The following CCSER1 variants were observed in gnomAD, a reference collection of about 807,000 sequenced individuals.
CCSER1 encodes coiled-coil serine rich protein 1.
Under a neutral mutation model 82.0 loss-of-function variants are expected in CCSER1, and 41 were observed. The ratio of observed to expected loss-of-function variants is 0.50; its 90% CI spans 0.39 to 0.65. CCSER1 has a LOEUF of 0.65. Among genes scored for constraint, CCSER1 ranks in the 30% least tolerant of loss-of-function variants. The pLI is 0.00. For synonymous variants in CCSER1, 414 were observed against 383.9 expected (o/e 1.08, Z -0.92); for missense variants, 1,119 against 1,064.2 (o/e 1.05, Z -0.72).
intron 9 of CCSER1, among the ~76,000 whole-genome samples, chr4:91,050,322 T>C (rs1210538065): frequency 6.6e-6 from 1 of 151,788 alleles, no homozygotes; most frequent in Non-Finnish European, 1.5e-5. Flanking sequence ...TCCCCGCTAC[T>C]TGGGAGGCTG....
chr4:90,509,847 G>T (rs1578878436), intron 5 of CCSER1, among the ~76,000 whole-genome samples: 1 of 152,196 alleles, frequency 6.6e-6, no homozygotes, highest in East Asian at 1.9e-4. Context: ...GTGCTTTATA[G>T]AACTAAATAT....
rs535489221 is a variant in CCSER1 at position 90,704,653 on chromosome 4, C to T, written c.1933-19261C>T. Among the ~76,000 whole-genome samples the T allele has an allele frequency of 3.9e-5, 6 of 152,288 alleles. No homozygotes were observed. In the East Asian group the frequency reaches 1.2e-3, roughly 29 times the overall value. On this transcript the variant is annotated intron_variant, in intron 6 of 10. Transcript: ENST00000509176. ...GGTCTTTTCACATAGTCCCATATTT[C>T]TTGGAGGCTTTGTTCATTTCTTTTT...
At chr4:91,017,495 G>C (rs750661532) in intron 9 of CCSER1, among the ~76,000 whole-genome samples, 2 of 152,100 alleles carry the variant, frequency 1.3e-5, no homozygotes, top group African/African-American at 4.8e-5. Context: ...GTGGTGCAGA[G>C]TATTTTGTCA....
chr4:90,725,195 T>A (rs1242669588), intron 7 of CCSER1, among the ~76,000 whole-genome samples: 1 of 151,914 alleles, frequency 6.6e-6, no homozygotes, highest in East Asian at 1.9e-4. Context: ...AAGAAGCATA[T>A]CTTTAACAAG....
intron 10 of CCSER1, among the ~76,000 whole-genome samples, chr4:91,162,995 G>C (rs952226787): frequency 2.6e-5 from 4 of 151,894 alleles, no homozygotes; most frequent in Non-Finnish European, 5.9e-5. Flanking sequence ...GTTTGCTCTT[G>C]CCTCTCTACT....
At chr4:90,468,388 A>G (rs1202542856) in intron 5 of CCSER1, 34 bp downstream of exon 5, 2 of 1,575,424 alleles carry the variant, frequency 1.3e-6, no homozygotes, top group Admixed American at 1.8e-5. Context: ...AAGGCCTTGT[A>G]AAATCAATTA....
At chr4:91,070,508 C>A (rs1004363548) in intron 9 of CCSER1, among the ~76,000 whole-genome samples, 35 of 152,160 alleles carry the variant, frequency 2.3e-4, no homozygotes, top group African/African-American at 8.0e-4. Context: ...ACGGACCATG[C>A]TTGTCCATGA....
intron 10 of CCSER1, among the ~76,000 whole-genome samples, chr4:91,460,869 T>C (rs1046381073): frequency 6.6e-6 from 1 of 152,060 alleles, no homozygotes; most frequent in African/African-American, 2.4e-5. Flanking sequence ...GGGAGAAAAA[T>C]TTCTATTCCT....
intron 7 of CCSER1, among the ~76,000 whole-genome samples, chr4:90,745,409 T>G (rs1007221215): frequency 6.6e-6 from 1 of 152,208 alleles, no homozygotes; most frequent in East Asian, 1.9e-4. Context: ...GTCACCTTAA[T>G]TTCATCTGAT....
intron 9 of CCSER1, among the ~76,000 whole-genome samples, chr4:91,000,132 T>C (rs2150473768): frequency 6.6e-6 from 1 of 152,212 alleles, no homozygotes; most frequent in African/African-American, 2.4e-5. Context: ...TCTATTCTGT[T>C]CCATTGGTCT....
chr4:90,290,398 C>A (rs1402925219), intron 1 of CCSER1, among the ~76,000 whole-genome samples: 1 of 151,842 alleles, frequency 6.6e-6, no homozygotes, highest in East Asian at 1.9e-4. Flanking sequence ...ACAAACAAAG[C>A]AAATAGGGTC....
chr4:90,896,825 A>T (rs2150132849), intron 8 of CCSER1, among the ~76,000 whole-genome samples: 1 of 152,098 alleles, frequency 6.6e-6, no homozygotes, highest in Middle Eastern at 3.4e-3. Context: ...CTTACAATTT[A>T]ACTTAAGGAA....
At chr4:90,162,801 C>G (rs1729708533) in intron 1 of CCSER1, among the ~76,000 whole-genome samples, 1 of 152,010 alleles carries the variant, frequency 6.6e-6, no homozygotes, top group Non-Finnish European at 1.5e-5. Context: ...TTGTGGGATT[C>G]TTATCAATTG....
intron 6 of CCSER1, among the ~76,000 whole-genome samples, chr4:90,649,170 T>G (rs1276002863): frequency 6.6e-6 from 1 of 152,208 alleles, no homozygotes; most frequent in East Asian, 1.9e-4. Flanking sequence ...TGGGTTAATA[T>G]GCAGGACATA....
At chr4:91,260,919 C>G (rs1741075804) in intron 10 of CCSER1, among the ~76,000 whole-genome samples, 1 of 152,064 alleles carries the variant, frequency 6.6e-6, no homozygotes, top group Non-Finnish European at 1.5e-5. Flanking sequence ...CGCTACCACG[C>G]CAGGCTAATT....
intron 1 of CCSER1, among the ~76,000 whole-genome samples, chr4:90,246,421 C>A (rs1035809376): frequency 6.6e-6 from 1 of 152,050 alleles, no homozygotes; most frequent in Non-Finnish European, 1.5e-5. Flanking sequence ...TTATACAATT[C>A]CTCTTATTTT....
chr4:91,220,550 A>T (rs1176019155), intron 10 of CCSER1, among the ~76,000 whole-genome samples: 2 of 152,338 alleles, frequency 1.3e-5, no homozygotes, highest in African/African-American at 2.4e-5. Flanking sequence ...AGCTGAAATA[A>T]GTGATATGGG....
chr4:90,260,149 A>G (rs1210602090), intron 1 of CCSER1, among the ~76,000 whole-genome samples: 1 of 152,114 alleles, frequency 6.6e-6, no homozygotes, highest in East Asian at 1.9e-4. Flanking sequence ...ACCACTTGGT[A>G]TTGGTCTGTT....
rs375032368 is a variant in CCSER1, at chr4:91,170,111, A to G, written c.2217+84117A>G. On this transcript the variant is annotated intron_variant, in intron 10 of 10. Coordinates refer to ENST00000509176, the MANE Select transcript of CCSER1 (RefSeq NM_001145065.2). ...GCTGCAGGAGCTGTCTTAAAAATAT[A>G]AAAGCTGGGAGGAGCTAAAAGATCT... Among the ~76,000 whole-genome samples, 505 of 152,326 alleles carry G rather than the reference A, an allele frequency of 3.3e-3. 1 individual carries two copies. The highest frequency in any genetic ancestry group is 0.011 in the African/African-American group (478 of 41,568).
Sources: allele counts gnomAD v4.1 joint callset (sites outside exome capture counted in the v4.1 genomes callset), GRCh38; gene constraint gnomAD v4.1.1; transcripts MANE v1.5; gene names NCBI Gene and HGNC (gene_info 2026-07-23, HGNC 2026-07-21).